The following AVPI1 variants were observed in gnomAD, a reference collection of about 807,000 sequenced individuals.
AVPI1 encodes the protein arginine vasopressin-induced protein 1.
A neutral mutation model predicts 11.9 loss-of-function variants in AVPI1; 9 were observed. The observed-to-expected ratio is 0.76, with a 90% confidence interval of 0.46 to 1.32. AVPI1 has a LOEUF of 1.32. AVPI1 is among the 40% of genes most tolerant of loss of function. AVPI1 has a pLI of 0.00. For missense variants in AVPI1, 207 were observed against 195.8 expected, an observed-to-expected ratio of 1.06 and a Z score of -0.34; for synonymous variants, 68 against 78.1, an observed-to-expected ratio of 0.87 and a Z score of 0.68.
At chr10:97,679,062 A>G (rs1489152275) in intron 2 of AVPI1, among the ~76,000 whole-genome samples, 1 of 141,124 alleles carries the variant, frequency 7.1e-6, no homozygotes, top group African/African-American at 2.6e-5. Context: ...CGGCAGAATG[A>G]GGTGATGCTA....
intron 1 of AVPI1, among the ~76,000 whole-genome samples, chr10:97,683,006 G>A (rs186296702): frequency 3.9e-5 from 6 of 152,292 alleles, no homozygotes; most frequent in Admixed American, 3.9e-4. Context: ...CAGGCAATAC[G>A]TATGATATCC....
chr10:97,683,723 C>T (rs1459277951), intron 1 of AVPI1, among the ~76,000 whole-genome samples: 1 of 152,212 alleles, frequency 6.6e-6, no homozygotes, highest in Non-Finnish European at 1.5e-5. Context: ...AGGAAGAGCC[C>T]AGCTTCCACA....
Position 97,677,584 on chromosome 10 carries a change from C to T in AVPI1, c.*285G>A, listed in dbSNP as rs780958809. 2.8e-6 allele frequency: 1 copy of T among 358,154 alleles called. No individual in the cohort carries two copies. The highest frequency in any genetic ancestry group is 5.1e-6 in the Non-Finnish European group (1 of 194,582). 22.2% of individuals were successfully genotyped at this position (358,154 alleles called of 1,614,324 possible). ...AAATGCTGCATCTAAGTGCCTGTCACTTTGCTCCCAGGGGAATATCATGCA... is the reference window on the plus strand; with the variant it reads ...AAATGCTGCATCTAAGTGCCTGTCATTTTGCTCCCAGGGGAATATCATGCA... On this transcript the variant is annotated 3_prime_UTR_variant, in exon 3 of 3. Coordinates refer to ENST00000370626, the MANE Select transcript of AVPI1 (RefSeq NM_021732.3).
chr10:97,680,249 C>T (rs1418979919), intron 1 of AVPI1, among the ~76,000 whole-genome samples: 1 of 152,204 alleles, frequency 6.6e-6, no homozygotes, highest in East Asian at 1.9e-4. Flanking sequence ...GCTGTAGATT[C>T]CATGCAGACG....
In AVPI1 at chr10:97,678,015, G is replaced by A. The variant is rs2041675595; in HGVS notation, c.298C>T (p.Pro100Ser). 2.5e-6 allele frequency: 4 copies of A among 1,613,808 alleles called. No individual in the cohort carries two copies. Among genetic ancestry groups the A allele is most frequent in the African/African-American group, 1.3e-5 (1 of 74,930 alleles). Residue 100 changes from proline (P) to serine (S), a missense_variant, in exon 3 of 3, where the codon CCC (proline) becomes TCC (serine). Pro to Ser is a moderately conservative substitution (Grantham distance 74, BLOSUM62 -1). Transcript: ENST00000370626. Reference sequence around the variant, plus strand: ...TGTGGGTTGGCCAGTGCAGAGTGGGGCTCCAGGATTCTGCAGAGAACAAGT... The same window carrying A: ...TGTGGGTTGGCCAGTGCAGAGTGGGACTCCAGGATTCTGCAGAGAACAAGT... Reference protein sequence around the residue: ...HHCSRLRILEPHSALANPQSA... With the variant: ...HHCSRLRILESHSALANPQSA...
chr10:97,677,656 A>ACTGT lies in AVPI1; in HGVS notation c.*209_*212dup, dbSNP rs1199256261. 3 of 557,904 alleles carry ACTGT rather than the reference A, an allele frequency of 5.4e-6. No homozygotes were observed. In the African/African-American group the frequency reaches 5.7e-5, roughly 11 times the overall value. The allele number at this position is 557,904 out of a possible 1,614,324, so 34.6% of individuals were successfully genotyped here. A position where few individuals can be genotyped will look rare whatever the true frequency, so the allele number is the denominator to read the frequency against. On this transcript the variant is annotated 3_prime_UTR_variant, in exon 3 of 3. Transcript: ENST00000370626. ...GGGAAGGACTGTGGCAGGAACAGTCACTGTCTCTCCTCATTTTGGTGAGGA... is the reference window on the plus strand; with the variant it reads ...GGGAAGGACTGTGGCAGGAACAGTCACTGTCTGTCTCTCCTCATTTTGGTGAGGA...
rs2041732696 is a variant in AVPI1 at position 97,686,868 on chromosome 10, T to TCTCGGCTTCCTG, written c.-114_-113insCAGGAAGCCGAG. ...AGCCTTCAGAAAGGGCAGGCGCAGC[T>TCTCGGCTTCCTG]CTGCGAAGGTGCTTACAAGGGCCAG... is the stretch of plus-strand genomic sequence containing the variant. On this transcript the variant is annotated 5_prime_UTR_variant, in exon 1 of 3. Coordinates refer to ENST00000370626, the MANE Select transcript of AVPI1 (RefSeq NM_021732.3). 6.6e-6 allele frequency: 1 copy of TCTCGGCTTCCTG among 152,352 alleles called. No individual in the cohort carries two copies. The highest frequency in any genetic ancestry group is 2.4e-5 in the African/African-American group (1 of 41,436). The allele number at this position is 152,352 out of a possible 1,614,324, so 9.4% of individuals were successfully genotyped here.
intron 1 of AVPI1, among the ~76,000 whole-genome samples, chr10:97,681,421 A>G (rs2041702745): frequency 1.3e-5 from 2 of 152,006 alleles, no homozygotes; most frequent in Admixed American, 1.3e-4. Context: ...CGTCTCTACT[A>G]AAAATACAAA....
At chr10:97,683,878 T>C (rs565621275) in intron 1 of AVPI1, among the ~76,000 whole-genome samples, 1 of 151,886 alleles carries the variant, frequency 6.6e-6, no homozygotes, top group Non-Finnish European at 1.5e-5. Flanking sequence ...GCTTCCCTGT[T>C]ACTGCTATAA....
chr10:97,678,536 G>A (rs952566192), intron 2 of AVPI1, among the ~76,000 whole-genome samples: 2 of 152,232 alleles, frequency 1.3e-5, no homozygotes, highest in Admixed American at 6.5e-5. Context: ...TGGGCTGGCA[G>A]TGGCCTAGGC....
rs145388667 is a variant in AVPI1 at position 97,679,855 on chromosome 10, C to A, written c.51G>T (p.Pro17=). ...VVSEPPPWQA[P]IEARGRKQAS... The stretch of plus-strand genomic sequence containing the variant: ...CCTGCTTGCGGCCCCGGGCCTCAAT[C>A]GGGGCCTGCCAAGGGGGTGGCTCAC... Residue 17 remains proline, a synonymous_variant, in exon 2 of 3, where the codon CCG becomes CCT. Transcript: ENST00000370626. 1.2e-5 allele frequency: 19 copies of A among 1,601,770 alleles called. No homozygotes were observed. In the East Asian group the frequency reaches 4.0e-4, roughly 34 times the overall value.
Position 97,679,819 on chromosome 10 carries a change from G to T in AVPI1, c.87C>A (p.Asn29Lys). ...EARGRKQASA[N>K]IFQDAELLQI... ...GCAGCAGCTCGGCGTCCTGGAAGAT[G>T]TTGGCCGAGGCCTGCTTGCGGCCCC... is the stretch of plus-strand genomic sequence containing the variant. The change falls in exon 2 of 3, where the codon AAC (asparagine) becomes AAA (lysine). Residue 29 changes from asparagine to lysine, a missense_variant. Transcript: ENST00000370626. 6.2e-7 allele frequency: 1 copy of T among 1,612,108 alleles called. No individual in the cohort carries two copies.
chr10:97,681,741 G>C (rs532779578), intron 1 of AVPI1, among the ~76,000 whole-genome samples: 1 of 148,928 alleles, frequency 6.7e-6, no homozygotes, highest in Non-Finnish European at 1.5e-5. Context: ...AGCCGGGCGC[G>C]GTGGCGGGCG....
chr10:97,682,750 A>C (rs967333827), intron 1 of AVPI1, among the ~76,000 whole-genome samples: 1 of 152,186 alleles, frequency 6.6e-6, no homozygotes, highest in Non-Finnish European at 1.5e-5. Flanking sequence ...AACTACAATA[A>C]AGCTGCAGAA....
At chr10:97,685,784 G>A (rs954760518) in intron 1 of AVPI1, among the ~76,000 whole-genome samples, 1 of 152,232 alleles carries the variant, frequency 6.6e-6, no homozygotes, top group Middle Eastern at 3.4e-3. Context: ...GATATACATT[G>A]GCCTCCAAAT....
intron 1 of AVPI1, 29 bp from the exon 2 acceptor site, chr10:97,679,944 C>T (rs2041695885): frequency 6.6e-7 from 1 of 1,506,328 alleles, no homozygotes; most frequent in Non-Finnish European, 8.9e-7. Context: ...GAGACATCAT[C>T]AACTCAGCTG....
chr10:97,679,818 T>C lies in AVPI1; in HGVS notation c.88A>G (p.Ile30Val), dbSNP rs1003534406. The change falls in exon 2 of 3, where the codon ATC becomes GTC. Residue 30 changes from isoleucine (I) to valine (V), a missense_variant. By Grantham distance (29) the Ile-to-Val change is conservative. Transcript: ENST00000370626. Reference sequence around the variant, plus strand: ...TGCAGCAGCTCGGCGTCCTGGAAGATGTTGGCCGAGGCCTGCTTGCGGCCC... The same window carrying C: ...TGCAGCAGCTCGGCGTCCTGGAAGACGTTGGCCGAGGCCTGCTTGCGGCCC... ...ARGRKQASAN[I>V]FQDAELLQIQ... The C allele has an allele frequency of 1.2e-5, 20 of 1,612,358 alleles. No individual in the cohort carries two copies. The highest frequency in any genetic ancestry group is 1.7e-5 in the Admixed American group (1 of 59,844).
chr10:97,683,405 C>T (rs567764686), intron 1 of AVPI1, among the ~76,000 whole-genome samples: 2 of 152,324 alleles, frequency 1.3e-5, no homozygotes, highest in African/African-American at 2.4e-5. Context: ...GTGATCCACC[C>T]GCCTTGGCCT....
intron 2 of AVPI1, among the ~76,000 whole-genome samples, chr10:97,679,141 CT>C (rs559721224): frequency 1.2e-3 from 149 of 124,110 alleles, no homozygotes; most frequent in Admixed American, 1.7e-3. Context: ...TAACAGCAAT[CT>C]TTTTTTTTTT....
Sources: allele counts gnomAD v4.1 joint callset (sites outside exome capture counted in the v4.1 genomes callset), GRCh38; gene constraint gnomAD v4.1.1; transcripts MANE v1.5; gene names NCBI Gene and HGNC (gene_info 2026-07-23, HGNC 2026-07-21).